The following LIMD1 variants were observed in gnomAD, a reference collection of about 807,000 sequenced individuals.
The protein encoded by LIMD1 is LIM domain-containing protein 1.
Under a neutral mutation model 58.4 loss-of-function variants are expected in LIMD1, and 23 were observed. The observed-to-expected ratio is 0.39, with a 90% CI of 0.28 to 0.56. The LOEUF is 0.56. Ranked by LOEUF, LIMD1 falls within the 20% of genes least tolerant of loss-of-function variation. The pLI is 0.57. For synonymous variants in LIMD1, 334 were observed against 345.5 expected, an observed-to-expected ratio of 0.97 and a Z score of 0.37; for missense variants, 838 against 855.5, an observed-to-expected ratio of 0.98 and a Z score of 0.25.
At chr3:45,657,493 C>A (rs559854390) in intron 2 of LIMD1, among the ~76,000 whole-genome samples, 37 of 149,192 alleles carry the variant, frequency 2.5e-4, no homozygotes, top group Non-Finnish European at 4.9e-4. Context: ...CCACTGCACT[C>A]CAGCCTGGGC....
chr3:45,600,503 G>T (rs1701400683), intron 1 of LIMD1, among the ~76,000 whole-genome samples: 1 of 152,180 alleles, frequency 6.6e-6, no homozygotes, highest in South Asian at 2.1e-4. Flanking sequence ...ACTCTGCTGG[G>T]CCTACTTCCT....
chr3:45,622,223 G>C (rs1295918471), intron 1 of LIMD1, among the ~76,000 whole-genome samples: 1 of 152,122 alleles, frequency 6.6e-6, no homozygotes, highest in African/African-American at 2.4e-5. Context: ...CTCCAGCCCT[G>C]GGTAAACAGG....
At chr3:45,643,316 C>T (rs1701866160) in intron 2 of LIMD1, among the ~76,000 whole-genome samples, 1 of 152,020 alleles carries the variant, frequency 6.6e-6, no homozygotes, top group South Asian at 2.1e-4. Context: ...AAAACCCCAT[C>T]TCTACTAAAA....
intron 2 of LIMD1, among the ~76,000 whole-genome samples, chr3:45,645,486 G>T (rs775541048): frequency 1.3e-5 from 2 of 152,204 alleles, no homozygotes; most frequent in Non-Finnish European, 2.9e-5. Flanking sequence ...TTGGAAGTCT[G>T]TACCTTTCCT....
chr3:45,600,316 G>A (rs1575340704), intron 1 of LIMD1, among the ~76,000 whole-genome samples: 2 of 152,172 alleles, frequency 1.3e-5, no homozygotes, highest in South Asian at 4.1e-4. Flanking sequence ...TTGGGCATTT[G>A]ACTTTGTGGG....
intron 4 of LIMD1, 48 bp downstream of exon 4, chr3:45,668,404 A>C: frequency 7.2e-7 from 1 of 1,397,522 alleles, no homozygotes; most frequent in Non-Finnish European, 1.0e-6. Flanking sequence ...GTGGAGGAGG[A>C]GGTGTTCAGA....
At chr3:45,645,727 G>GCC (rs1701898363) in intron 2 of LIMD1, among the ~76,000 whole-genome samples, 4 of 152,106 alleles carry the variant, frequency 2.6e-5, no homozygotes, top group African/African-American at 7.2e-5. Flanking sequence ...CACTCCTCAG[G>GCC]TTTCTGTGGC....
At chr3:45,653,137 T>C (rs78500780) in intron 2 of LIMD1, among the ~76,000 whole-genome samples, 18,073 of 152,240 alleles carry the variant, frequency 0.12, 1,396 homozygotes, top group Middle Eastern at 0.21. Flanking sequence ...TTTTACAAGA[T>C]AATAAGTCTG....
chr3:45,667,595 CTG>C (rs1373227329), intron 3 of LIMD1, among the ~76,000 whole-genome samples: 1 of 149,898 alleles, frequency 6.7e-6, no homozygotes, highest in Non-Finnish European at 1.5e-5. Context: ...TCTTTCAAGA[CTG>C]TGTGTGTGTA....
chr3:45,672,014 A>G (rs1697591136), intron 4 of LIMD1, among the ~76,000 whole-genome samples: 1 of 152,228 alleles, frequency 6.6e-6, no homozygotes, highest in Admixed American at 6.5e-5. Context: ...ATCCAGATCC[A>G]GATTAAATGA....
intron 1 of LIMD1, among the ~76,000 whole-genome samples, chr3:45,599,416 G>A (rs764415554): frequency 2.0e-5 from 3 of 152,128 alleles, no homozygotes; most frequent in Non-Finnish European, 4.4e-5. Flanking sequence ...ATTTAGAAAC[G>A]GAATCGTGTA....
chr3:45,670,386 A>G (rs992552324), intron 4 of LIMD1, among the ~76,000 whole-genome samples: 5 of 150,660 alleles, frequency 3.3e-5, no homozygotes, highest in African/African-American at 4.9e-5. Flanking sequence ...GTGATTTCTT[A>G]TTTATCATCA....
At chr3:45,649,788 A>C (rs1462159727) in intron 2 of LIMD1, among the ~76,000 whole-genome samples, 1 of 143,500 alleles carries the variant, frequency 7.0e-6, no homozygotes, top group Non-Finnish European at 1.5e-5. Context: ...TATAAAATAT[A>C]TATATTGCTG....
intron 2 of LIMD1, among the ~76,000 whole-genome samples, chr3:45,664,385 T>C (rs1210396146): frequency 6.6e-6 from 1 of 152,238 alleles, no homozygotes; most frequent in Non-Finnish European, 1.5e-5. Flanking sequence ...TAACTCAACA[T>C]GTACTGCACT....
At chr3:45,674,695 A>G (rs1252161491) in intron 7 of LIMD1, 2 of 321,050 alleles carry the variant, frequency 6.2e-6, no homozygotes, top group Non-Finnish European at 1.2e-5. Context: ...CGTGGAGAGC[A>G]TGGGTTTCAG....
chr3:45,676,396 T>C (rs1300783344), intron 7 of LIMD1, among the ~76,000 whole-genome samples: 3 of 152,078 alleles, frequency 2.0e-5, no homozygotes, highest in African/African-American at 4.8e-5. Flanking sequence ...ATATATGTTG[T>C]ACGTGTGCCA....
At chr3:45,599,968 G>C (rs1559512269) in intron 1 of LIMD1, among the ~76,000 whole-genome samples, 1 of 152,176 alleles carries the variant, frequency 6.6e-6, no homozygotes, top group South Asian at 2.1e-4. Context: ...CCTGTGTGGG[G>C]ACCATGAAGA....
At chr3:45,672,938 C>A in intron 5 of LIMD1, 118 bp downstream of exon 5, 2 of 1,241,272 alleles carry the variant, frequency 1.6e-6, no homozygotes, top group Non-Finnish European at 2.3e-6. Flanking sequence ...CACAGTCCAG[C>A]AAAGGCTTAA....
intron 1 of LIMD1, among the ~76,000 whole-genome samples, chr3:45,628,265 G>A (rs933142031): frequency 3.9e-5 from 6 of 152,106 alleles, no homozygotes; most frequent in Non-Finnish European, 8.8e-5. Context: ...CAAAACCTTT[G>A]TGAAGCAATA....
Sources: gnomAD v4.1 joint callset for allele counts (sites outside exome capture counted in the v4.1 genomes callset) on GRCh38, gnomAD v4.1.1 for gene constraint, MANE v1.5 for transcripts, NCBI Gene and HGNC (gene_info 2026-07-23, HGNC 2026-07-21) for gene names.